The following DLG2 variants were observed in gnomAD, a reference collection of about 807,000 sequenced individuals.
DLG2 encodes the protein disks large homolog 2.
Under a neutral mutation model 132.5 loss-of-function variants are expected in DLG2, and 45 were observed. The ratio of observed to expected loss-of-function variants is 0.34; its 90% CI spans 0.27 to 0.44. DLG2 has a LOEUF of 0.44. DLG2 is among the 20% of genes least tolerant of loss of function. The probability of loss-of-function intolerance (pLI) is 1.00; values close to 1 mark genes in which losing one functional copy is unlikely to be tolerated. For synonymous variants in DLG2, 424 were observed against 419.6 expected (o/e 1.01, Z -0.13); for missense variants, 1,045 against 1,196.9 (o/e 0.87, Z 1.87).
At chr11:83,796,840 A>C (rs1032634256) in intron 17 of DLG2, among the ~76,000 whole-genome samples, 1 of 152,244 alleles carries the variant, frequency 6.6e-6, no homozygotes, top group African/African-American at 2.4e-5. Flanking sequence ...ATTGTCAAGC[A>C]ATGTGCTGTT....
At chr11:84,449,955 G>A (rs865919002) in intron 7 of DLG2, among the ~76,000 whole-genome samples, 1 of 151,810 alleles carries the variant, frequency 6.6e-6, no homozygotes, top group Non-Finnish European at 1.5e-5. Flanking sequence ...TAAAATTAAA[G>A]TATAAGTATG....
chr11:84,672,231 T>C (rs2099706684), intron 6 of DLG2, among the ~76,000 whole-genome samples: 1 of 152,110 alleles, frequency 6.6e-6, no homozygotes. Flanking sequence ...TCTATTTCTG[T>C]CCTTCAGAAG....
At chr11:83,637,181 G>A (rs927828042) in intron 18 of DLG2, among the ~76,000 whole-genome samples, 2 of 152,106 alleles carry the variant, frequency 1.3e-5, no homozygotes, top group Non-Finnish European at 2.9e-5. Flanking sequence ...TTTTCAACAA[G>A]TTAAAACAGA....
intron 4 of DLG2, among the ~76,000 whole-genome samples, chr11:85,210,835 CT>C (rs1384976302): frequency 6.6e-5 from 10 of 152,250 alleles, no homozygotes; most frequent in South Asian, 2.1e-4. Flanking sequence ...TGAGATTCTT[CT>C]TCCCTAAACC....
intron 6 of DLG2, among the ~76,000 whole-genome samples, chr11:84,986,521 C>T (rs1188927265): frequency 6.6e-6 from 1 of 152,096 alleles, no homozygotes; most frequent in Non-Finnish European, 1.5e-5. Context: ...TGCTAAAATC[C>T]TTAACACAAT....
intron 7 of DLG2, among the ~76,000 whole-genome samples, chr11:84,488,683 G>T (rs534260464): frequency 1.6e-4 from 25 of 152,196 alleles, no homozygotes; most frequent in African/African-American, 4.8e-4. Context: ...CCAAAGGAGT[G>T]GTGGCTATGT....
chr11:84,591,226 T>TGTGTGTGTGC (rs1171293788), intron 6 of DLG2, among the ~76,000 whole-genome samples: 1 of 148,534 alleles, frequency 6.7e-6, no homozygotes, highest in African/African-American at 2.5e-5. Context: ...TGTCTCTCTG[T>TGTGTGTGTGC]GTGTGTGTGT....
chr11:84,967,030 CCTATAGGCAACTAGAATT>C (rs2053443288), intron 6 of DLG2, among the ~76,000 whole-genome samples: 1 of 152,104 alleles, frequency 6.6e-6, no homozygotes, highest in Non-Finnish European at 1.5e-5. Context: ...AGCCAAAATG[CCTATAGGCAACTAGAATT>C]ACACATTGGT....
rs747585932 is a variant in DLG2, at chr11:85,557,904, A to G, written c.40+40753T>C. On this transcript the variant is annotated intron_variant, in intron 3 of 27. Transcript: ENST00000376104. ...ATTTTAGACATTGGCCTTGGGTAAGAATTTATGACTAAGTCCTCAAAAGTA... is the reference window on the plus strand; with the variant it reads ...ATTTTAGACATTGGCCTTGGGTAAGGATTTATGACTAAGTCCTCAAAAGTA... Among the ~76,000 whole-genome samples, 41 of 152,020 alleles carry G rather than the reference A, an allele frequency of 2.7e-4. No individual in the cohort carries two copies. The Middle Eastern group carries it at 0.017, about 63-fold the overall frequency.
intron 7 of DLG2, among the ~76,000 whole-genome samples, chr11:84,385,404 A>C (rs993481855): frequency 2.6e-5 from 4 of 152,148 alleles, no homozygotes; most frequent in Non-Finnish European, 4.4e-5. Flanking sequence ...ACATACTTCC[A>C]TTAAACTCAT....
intron 3 of DLG2, among the ~76,000 whole-genome samples, chr11:85,426,237 T>C (rs1228146927): frequency 6.6e-6 from 1 of 151,874 alleles, no homozygotes; most frequent in African/African-American, 2.4e-5. Context: ...CAAAATCCTC[T>C]GCAGACTTAA....
At chr11:84,960,747 C>A (rs1013041316) in intron 6 of DLG2, among the ~76,000 whole-genome samples, 8 of 152,094 alleles carry the variant, frequency 5.3e-5, no homozygotes, top group Non-Finnish European at 1.0e-4. Flanking sequence ...CATCCATTAT[C>A]TTTTCTTTTC....
chr11:84,291,020 T>C lies in DLG2; in HGVS notation c.520-39729A>G, dbSNP rs529103074. Among the ~76,000 whole-genome samples, 10 of 152,318 alleles carry C rather than the reference T, an allele frequency of 6.6e-5. No individual in the cohort carries two copies. The East Asian group carries it at 1.9e-3, about 29-fold the overall frequency. ...CACATCTAGCAATTAAAAGTGTTAT[T>C]TGGCATACATTATACATTCAATACA... On this transcript the variant is annotated intron_variant, in intron 7 of 27. Coordinates refer to ENST00000376104, the MANE Select transcript of DLG2 (RefSeq NM_001142699.3).
chr11:85,578,444 G>T (rs569817054), intron 3 of DLG2, among the ~76,000 whole-genome samples: 1 of 152,134 alleles, frequency 6.6e-6, no homozygotes, highest in Non-Finnish European at 1.5e-5. Flanking sequence ...TCTCAACAGA[G>T]TGAACAGACA....
At chr11:85,446,916 A>G (rs1038048740) in intron 3 of DLG2, among the ~76,000 whole-genome samples, 1 of 152,190 alleles carries the variant, frequency 6.6e-6, no homozygotes, top group Non-Finnish European at 1.5e-5. Flanking sequence ...TATATCAAAG[A>G]CAATAAATAC....
chr11:83,707,640 C>T (rs2084355201), intron 18 of DLG2, among the ~76,000 whole-genome samples: 1 of 152,216 alleles, frequency 6.6e-6, no homozygotes, highest in Non-Finnish European at 1.5e-5. Context: ...CACTGCACTT[C>T]AGCCTGGACA....
intron 9 of DLG2, among the ~76,000 whole-genome samples, chr11:84,159,348 T>C (rs2095496880): frequency 6.6e-6 from 1 of 152,140 alleles, no homozygotes; most frequent in Non-Finnish European, 1.5e-5. Context: ...ATGATGGAAA[T>C]GCTACTAATT....
chr11:85,363,842 A>C (rs927962863), intron 3 of DLG2, among the ~76,000 whole-genome samples: 5 of 152,224 alleles, frequency 3.3e-5, no homozygotes, highest in Non-Finnish European at 7.3e-5. Flanking sequence ...ATAAATTCAG[A>C]GTCCCTCTTC....
chr11:83,512,219 T>A (rs1172119393), intron 21 of DLG2, among the ~76,000 whole-genome samples: 1 of 152,122 alleles, frequency 6.6e-6, no homozygotes, highest in African/African-American at 2.4e-5. Context: ...TTCTGCCCTC[T>A]TCTCTCCCCC....
Sources: gnomAD v4.1 joint callset for allele counts (sites outside exome capture counted in the v4.1 genomes callset) on GRCh38, gnomAD v4.1.1 for gene constraint, MANE v1.5 for transcripts, NCBI Gene and HGNC (gene_info 2026-07-23, HGNC 2026-07-21) for gene names.